The following GSK3B variants were observed in gnomAD, a reference collection of about 807,000 sequenced individuals.
The protein encoded by GSK3B is glycogen synthase kinase-3 beta.
GSK3B carries 15 observed loss-of-function variants against 56.4 expected under a neutral mutation model. That is an observed-to-expected ratio of 0.27 (90% CI 0.18 to 0.41). The LOEUF (loss-of-function observed/expected upper bound fraction) is 0.41, where lower values mean the gene tolerates loss of function less well. Among genes scored for constraint, GSK3B ranks in the 10% least tolerant of loss-of-function variants. The pLI is 1.00. For missense variants in GSK3B, 300 were observed against 513.4 expected (o/e 0.58, Z 4.02); for synonymous variants, 181 against 188.9 (o/e 0.96, Z 0.34).
chr3:119,830,098 A>G (rs2055575220), intron 10 of GSK3B, among the ~76,000 whole-genome samples: 1 of 152,224 alleles, frequency 6.6e-6, no homozygotes, highest in Admixed American at 6.5e-5. Flanking sequence ...CTATAAATTC[A>G]ATACTCAATA....
intron 9 of GSK3B, among the ~76,000 whole-genome samples, chr3:119,845,602 A>T (rs2108013976): frequency 6.6e-6 from 1 of 152,326 alleles, no homozygotes; most frequent in Non-Finnish European, 1.5e-5. Flanking sequence ...ACAAGTTACA[A>T]GGGATGTGAA....
chr3:120,077,895 C>T (rs545836535), intron 1 of GSK3B, among the ~76,000 whole-genome samples: 40 of 152,096 alleles, frequency 2.6e-4, no homozygotes, highest in Non-Finnish European at 4.6e-4. Flanking sequence ...CTATTCCCTA[C>T]TAACTGTAAG....
chr3:119,987,207 T>C (rs1323133446), intron 2 of GSK3B, among the ~76,000 whole-genome samples: 1 of 152,104 alleles, frequency 6.6e-6, no homozygotes, highest in Non-Finnish European at 1.5e-5. Context: ...GGGATAGCAT[T>C]AGGAGAAATA....
chr3:120,035,194 G>A (rs1401581270), intron 1 of GSK3B, among the ~76,000 whole-genome samples: 1 of 152,130 alleles, frequency 6.6e-6, no homozygotes, highest in Middle Eastern at 3.2e-3. Context: ...AACATACACA[G>A]AGAGCAAATA....
chr3:120,039,924 C>T (rs550110508), intron 1 of GSK3B, among the ~76,000 whole-genome samples: 6 of 152,334 alleles, frequency 3.9e-5, no homozygotes, highest in Non-Finnish European at 5.9e-5. Flanking sequence ...GGGAAAGGGT[C>T]TTGGTCCTCT....
chr3:119,992,082 A>G (rs561842338), intron 2 of GSK3B, among the ~76,000 whole-genome samples: 1 of 152,216 alleles, frequency 6.6e-6, no homozygotes, highest in East Asian at 1.9e-4. Context: ...AATTTAAAAG[A>G]TCAACACTTT....
intron 1 of GSK3B, among the ~76,000 whole-genome samples, chr3:120,034,698 G>A (rs2058007549): frequency 6.6e-6 from 1 of 152,056 alleles, no homozygotes; most frequent in Middle Eastern, 3.2e-3. Context: ...TCTGTTATGG[G>A]TTGAACTGGG....
rs562100271 is a variant in GSK3B at position 120,007,669 on chromosome 3, CAT to C, written c.89-5432_89-5431del. ...TAAACAGAACCAATGACAAAAACCA[CAT>C]GATTATCTCAATAGATGCAGAAAAG... On this transcript the variant is annotated intron_variant, in intron 1 of 10. Transcript: ENST00000264235. Among the ~76,000 whole-genome samples, 86 of 152,272 alleles carry C rather than the reference CAT, an allele frequency of 5.6e-4. 2 individuals are homozygous for C. In the South Asian group the frequency reaches 0.017, roughly 30 times the overall value.
intron 1 of GSK3B, among the ~76,000 whole-genome samples, chr3:120,078,545 CTTTT>C (rs66489313): frequency 6.4e-5 from 9 of 140,662 alleles, no homozygotes; most frequent in Admixed American, 1.4e-4. Flanking sequence ...AACTTCTCCT[CTTTT>C]TTTTTTTTTT....
chr3:120,087,504 C>A (rs1576320378), intron 1 of GSK3B, among the ~76,000 whole-genome samples: 2 of 151,866 alleles, frequency 1.3e-5, no homozygotes, highest in East Asian at 3.9e-4. Context: ...GGCACTCCAG[C>A]CCAGGAAACA....
rs970648207 is a variant in GSK3B at position 119,862,967 on chromosome 3, T to C, written c.1096+452A>G. ...TGTTTAAGTTCTTAGAAAGGGTTTA[T>C]AGGGCTCTACTTTTCCTCCTGTTTG... On this transcript the variant is annotated intron_variant, in intron 9 of 10. Coordinates refer to ENST00000264235, the MANE Select transcript of GSK3B (RefSeq NM_001146156.2). Among the ~76,000 whole-genome samples the C allele has an allele frequency of 3.3e-5, 5 of 152,326 alleles. 1 individual carries two copies. Among genetic ancestry groups the C allele is most frequent in the East Asian group, 1.9e-4 (1 of 5,188 alleles).
At chr3:120,063,408 A>T (rs2058253529) in intron 1 of GSK3B, among the ~76,000 whole-genome samples, 1 of 152,112 alleles carries the variant, frequency 6.6e-6, no homozygotes. Context: ...CCTAATGTCC[A>T]TCAATATGGA....
intron 1 of GSK3B, among the ~76,000 whole-genome samples, chr3:120,087,807 T>C (rs2058477699): frequency 6.6e-6 from 1 of 152,184 alleles, no homozygotes; most frequent in South Asian, 2.1e-4. Flanking sequence ...TGCACATTGT[T>C]TGGAAGTTGA....
intron 1 of GSK3B, among the ~76,000 whole-genome samples, chr3:120,069,925 T>C (rs2058312316): frequency 1.3e-5 from 2 of 152,094 alleles, no homozygotes. Context: ...TAAATAAATA[T>C]AGGGGAAGGC....
rs980996200 is a variant in GSK3B at position 120,094,178 on chromosome 3, C to T, written c.-744G>A. ...AGCGGCTCCTCGACTGTTCCCCATT[C>T]GCCGGGGACATGGGAACCCGGCAAC... On this transcript the variant is annotated 5_prime_UTR_variant, in exon 1 of 11. Coordinates refer to ENST00000264235, the MANE Select transcript of GSK3B (RefSeq NM_001146156.2). The T allele has an allele frequency of 1.8e-5, 4 of 228,386 alleles. No individual in the cohort carries two copies. Among genetic ancestry groups the T allele is most frequent in the Admixed American group, 1.2e-4 (2 of 17,358 alleles). The allele number at this position is 228,386 out of a possible 1,614,324, so 14.1% of individuals were successfully genotyped here. A position where few individuals can be genotyped will look rare whatever the true frequency, so the allele number is the denominator to read the frequency against.
At chr3:119,876,114 T>A (rs2056310634) in intron 8 of GSK3B, among the ~76,000 whole-genome samples, 1 of 152,160 alleles carries the variant, frequency 6.6e-6, no homozygotes, top group Non-Finnish European at 1.5e-5. Flanking sequence ...TTCTGAATTT[T>A]AGGTTGTCAA....
rs1485284476 is a variant in GSK3B, at chr3:119,824,172, AAC to A, written c.*2614_*2615del. On this transcript the variant is annotated 3_prime_UTR_variant, in exon 11 of 11. Transcript: ENST00000264235. ...CAAAACAATAAAACTTAAATTTAAA[AAC>A]ACAGAAAGAAAATATAATGTACAAG... 4.9e-6 allele frequency: 1 copy of A among 203,930 alleles called. No homozygotes were observed. The highest frequency in any genetic ancestry group is 1.0e-5 in the Non-Finnish European group (1 of 99,250). The allele number at this position is 203,930 out of a possible 1,614,324, so 12.6% of individuals were successfully genotyped here. A position where few individuals can be genotyped will look rare whatever the true frequency, so the allele number is the denominator to read the frequency against.
At position 119,920,357 on chromosome 3, in the gene GSK3B, A is replaced by G. The variant is rs190513331; in HGVS notation, c.477+3016T>C. ...CAGGTACAAGTGATTCTCCTACCTC[A>G]GCCTCCTGAGTAGCTAGGATTACAG... On this transcript the variant is annotated intron_variant, in intron 4 of 10. Coordinates refer to ENST00000264235, the MANE Select transcript of GSK3B (RefSeq NM_001146156.2). Among the ~76,000 whole-genome samples the G allele has an allele frequency of 1.9e-3, 286 of 152,284 alleles. 3 individuals carry two copies. The highest frequency in any genetic ancestry group is 6.1e-3 in the African/African-American group (254 of 41,554).
At chr3:119,865,444 ATATATATATATATATATATATATTTTTT>A (rs1413962213) in intron 8 of GSK3B, among the ~76,000 whole-genome samples, 2 of 15,936 alleles carry the variant, frequency 1.3e-4, no homozygotes, top group African/African-American at 2.5e-4. Flanking sequence ...CGATATATAT[ATATATATATATATATATATATATTTTTT>A]TTTTTTTTTT....
Sources: gnomAD v4.1 joint callset for allele counts (sites outside exome capture counted in the v4.1 genomes callset) on GRCh38, gnomAD v4.1.1 for gene constraint, MANE v1.5 for transcripts, NCBI Gene and HGNC (gene_info 2026-07-23, HGNC 2026-07-21) for gene names.